Variants in FBXO4 observed in about 807,000 individuals in gnomAD.
FBXO4 encodes the protein F-box only protein 4.
A neutral mutation model predicts 43.7 loss-of-function variants in FBXO4; 36 were observed. The observed-to-expected ratio is 0.82, with a 90% CI of 0.63 to 1.09. The LOEUF is 1.09. Ranked by LOEUF, FBXO4 falls within the 50% of genes least tolerant of loss-of-function variation. FBXO4 has a pLI of 0.00. For synonymous variants in FBXO4, 180 were observed against 165.6 expected (o/e 1.09, Z -0.67); for missense variants, 435 against 474.1 (o/e 0.92, Z 0.77).
At chr5:42,037,304 T>C in the FBXO4 span, among the ~76,000 whole-genome samples, 1 of 152,066 alleles carries the variant, frequency 6.6e-6, no homozygotes, top group Non-Finnish European at 1.5e-5. Context: ...GGTATGTTTC[T>C]AGCTAAGCAC....
At chr5:42,023,728 C>A in the FBXO4 span, among the ~76,000 whole-genome samples, 2 of 151,796 alleles carry the variant, frequency 1.3e-5, no homozygotes, top group African/African-American at 4.8e-5. Flanking sequence ...TATGAACCCC[C>A]ATCTGCTTGT....
chr5:41,977,294 C>A, the FBXO4 span, among the ~76,000 whole-genome samples: 1 of 152,192 alleles, frequency 6.6e-6, no homozygotes, highest in Admixed American at 6.5e-5. Flanking sequence ...TATTCCTCTC[C>A]TGAAAATGCT....
chr5:41,939,319 C>T (rs1751934953), intron 5 of FBXO4, 122 bp from the exon 6 acceptor site: 5 of 802,278 alleles, frequency 6.2e-6, no homozygotes, highest in Middle Eastern at 3.8e-4. Flanking sequence ...TGATTTTTTT[C>T]CCTCAGTTTA....
At chr5:41,932,381 G>A (rs74458433) in intron 3 of FBXO4, among the ~76,000 whole-genome samples, 1,757 of 152,296 alleles carry the variant, frequency 0.012, 77 homozygotes, top group Admixed American at 0.074. Context: ...CACCAGACCT[G>A]GTGGCTGGAG....
In FBXO4 at chr5:41,934,906, C is replaced by A. The variant is rs1012581483; in HGVS notation, c.898+598C>A. Reference sequence around the variant, plus strand: ...AGTATTATAATATCTTTCCCAAATCCTTTGTGAACAAGGTAGAATATAAAT... The same window carrying A: ...AGTATTATAATATCTTTCCCAAATCATTTGTGAACAAGGTAGAATATAAAT... On this transcript the variant is annotated intron_variant, in intron 5 of 6. Coordinates refer to ENST00000281623, the MANE Select transcript of FBXO4 (RefSeq NM_012176.3). 1.8e-5 allele frequency: 18 copies of A among 982,526 alleles called. No individual in the cohort carries two copies. In the African/African-American group the frequency reaches 3.2e-4, roughly 17 times the overall value. 60.9% of individuals were successfully genotyped at this position (982,526 alleles called of 1,614,324 possible).
the FBXO4 span, among the ~76,000 whole-genome samples, chr5:42,016,987 G>A: frequency 3.4e-3 from 516 of 152,080 alleles, 3 homozygotes; most frequent in African/African-American, 0.012. Flanking sequence ...CGATTAATTA[G>A]CAATATTTAG....
At chr5:42,030,767 A>T in the FBXO4 span, among the ~76,000 whole-genome samples, 1,501 of 152,224 alleles carry the variant, frequency 9.9e-3, 69 homozygotes, top group Admixed American at 0.07. Flanking sequence ...ACAAGAAAAA[A>T]ACAAACAACC....
At chr5:41,949,073 A>G in the FBXO4 span, among the ~76,000 whole-genome samples, 1 of 152,222 alleles carries the variant, frequency 6.6e-6, no homozygotes, top group South Asian at 2.1e-4. Flanking sequence ...TCAAAATAAT[A>G]AGAGCTATTT....
At chr5:41,948,868 A>G in the FBXO4 span, among the ~76,000 whole-genome samples, 1 of 152,152 alleles carries the variant, frequency 6.6e-6, no homozygotes. Flanking sequence ...ATCCACAACT[A>G]TCAGGTCGGC....
At chr5:41,955,608 A>G in the FBXO4 span, among the ~76,000 whole-genome samples, 1 of 152,160 alleles carries the variant, frequency 6.6e-6, no homozygotes, top group Admixed American at 6.5e-5. Flanking sequence ...AAAACTGGGG[A>G]TCTGACGAGG....
chr5:42,020,560 AT>A, the FBXO4 span, among the ~76,000 whole-genome samples: 2 of 152,140 alleles, frequency 1.3e-5, no homozygotes, highest in African/African-American at 4.8e-5. Flanking sequence ...AAGAAGTTTG[AT>A]TTTTCAGTTC....
In FBXO4 at chr5:41,934,173, G is replaced by A; in HGVS notation, c.763G>A (p.Val255Ile). Residue 255 changes from valine (V) to isoleucine (I), a missense_variant, in exon 5 of 7, where the codon GTT (valine) becomes ATT (isoleucine). Transcript: ENST00000281623. ...DRAREEHTSA[V>I]NKMFSRHNEG... ...AGCAAGGGAAGAGCATACAAGTGCA[G>A]TTAACAAGATGTTCAGTCGACACAA... 1.2e-6 allele frequency: 2 copies of A among 1,614,068 alleles called. No individual in the cohort carries two copies. The highest frequency in any genetic ancestry group is 1.3e-5 in the African/African-American group (1 of 75,036).
At chr5:41,957,169 C>T in the FBXO4 span, among the ~76,000 whole-genome samples, 1 of 151,860 alleles carries the variant, frequency 6.6e-6, no homozygotes, top group African/African-American at 2.4e-5. Context: ...TGGAAAATTG[C>T]CATCCATTAT....
the FBXO4 span, among the ~76,000 whole-genome samples, chr5:41,962,818 A>C: frequency 6.6e-6 from 1 of 152,186 alleles, no homozygotes; most frequent in Non-Finnish European, 1.5e-5. Context: ...GGGGACTCCA[A>C]ATCATCATGC....
At chr5:41,997,561 T>C in the FBXO4 span, among the ~76,000 whole-genome samples, 8 of 152,192 alleles carry the variant, frequency 5.3e-5, no homozygotes, top group Non-Finnish European at 1.2e-4. Flanking sequence ...ATTCTGGCAC[T>C]GGGGTAAAAA....
chr5:41,926,975 C>A, intron 1 of FBXO4, 38 bp from the exon 2 acceptor site: 1 of 1,341,420 alleles, frequency 7.5e-7, no homozygotes, highest in Non-Finnish European at 1.0e-6. Context: ...CTATTTTCTT[C>A]ATTCCTTTTT....
the FBXO4 span, among the ~76,000 whole-genome samples, chr5:42,028,515 T>C: frequency 6.6e-6 from 1 of 151,838 alleles, no homozygotes; most frequent in African/African-American, 2.4e-5. Flanking sequence ...GTTTAGTCCA[T>C]TTATATTCAA....
At chr5:41,939,366 G>A in intron 5 of FBXO4, 75 bp from the exon 6 acceptor site, 3 of 1,354,262 alleles carry the variant, frequency 2.2e-6, no homozygotes, top group Non-Finnish European at 3.0e-6. Flanking sequence ...CCCTCGCTTT[G>A]TTAGTTTTTT....
At chr5:41,999,538 T>C in the FBXO4 span, among the ~76,000 whole-genome samples, 3 of 108,408 alleles carry the variant, frequency 2.8e-5, no homozygotes, top group African/African-American at 1.4e-4. Context: ...TATATATACA[T>C]ATATATGTAT....
Sources: allele counts gnomAD v4.1 joint callset (sites outside exome capture counted in the v4.1 genomes callset), GRCh38; gene constraint gnomAD v4.1.1; transcripts MANE v1.5; gene names NCBI Gene and HGNC (gene_info 2026-07-23, HGNC 2026-07-21).